The following WNT7B variants were observed in gnomAD, a reference collection of about 807,000 sequenced individuals.
WNT7B encodes the protein Wnt family member 7B, also known as protein Wnt-7b.
Under a neutral mutation model 38.2 loss-of-function variants are expected in WNT7B, and 19 were observed. That is an observed-to-expected ratio of 0.50 (90% CI 0.35 to 0.73). The LOEUF is 0.73. WNT7B is among the 30% of genes least tolerant of loss of function. The probability of loss-of-function intolerance (pLI) is 0.01; values close to 1 mark genes in which losing one functional copy is unlikely to be tolerated. For synonymous variants in WNT7B, 243 were observed against 209.3 expected (o/e 1.16, Z -1.39); for missense variants, 423 against 507.9 (o/e 0.83, Z 1.61).
chr22:45,927,693 C>G (rs1931133999), intron 3 of WNT7B: 10 of 692,050 alleles, frequency 1.4e-5, no homozygotes, highest in Non-Finnish European at 2.7e-5. Context: ...GTTAGGGGTT[C>G]AAGACCAGCC....
At chr22:45,941,926 G>A (rs1434920627) in intron 2 of WNT7B, among the ~76,000 whole-genome samples, 1 of 152,204 alleles carries the variant, frequency 6.6e-6, no homozygotes, top group Non-Finnish European at 1.5e-5. Context: ...GGGGAGGACT[G>A]CTGGGGCTGA....
chr22:45,941,163 C>T (rs9286453), intron 2 of WNT7B, among the ~76,000 whole-genome samples: 3 of 151,976 alleles, frequency 2.0e-5, no homozygotes, highest in African/African-American at 7.3e-5. Flanking sequence ...AGAGTCTCAG[C>T]GTAGAGCTAA....
At chr22:45,971,150 G>T (rs1436950693) in intron 1 of WNT7B, among the ~76,000 whole-genome samples, 1 of 151,862 alleles carries the variant, frequency 6.6e-6, no homozygotes, top group Non-Finnish European at 1.5e-5. Flanking sequence ...GCAACCGCAT[G>T]GGGGGAGGGG....
At position 45,931,107 on chromosome 22, in the gene WNT7B, G is replaced by C. The variant is rs139882321; in HGVS notation, c.561C>G (p.Ala187=). ...CGCACCCGCACCCTACCTTCCTGCCGGCCTCATTGTTATGCAGGTTCATGA... is the reference window on the plus strand; with the variant it reads ...CGCACCCGCACCCTACCTTCCTGCCCGCCTCATTGTTATGCAGGTTCATGA... ...RRLMNLHNNE[A]GRKVLEDRMQ... Residue 187 remains alanine (A), a synonymous_variant, in exon 3 of 4, where the codon GCC becomes GCG. Transcript: ENST00000339464. 1 of 1,576,144 alleles carries C rather than the reference G, an allele frequency of 6.3e-7. No homozygotes were observed. Among genetic ancestry groups the C allele is most frequent in the Non-Finnish European group, 8.6e-7 (1 of 1,161,200 alleles).
At chr22:45,926,475 G>C (rs2146705098) in intron 3 of WNT7B, 1 of 985,416 alleles carries the variant, frequency 1.0e-6, no homozygotes, top group South Asian at 4.7e-5. Context: ...CTGTGCTCTG[G>C]AAACAGTGCT....
chr22:45,975,773 G>A lies in WNT7B; in HGVS notation c.71+911C>T. On this transcript the variant is annotated intron_variant, in intron 1 of 3. Coordinates refer to ENST00000339464, the MANE Select transcript of WNT7B (RefSeq NM_058238.3). This position sits in a 1 kb window ranked among gnomAD's most constrained non-coding sequence, Gnocchi z 6.6. Reference sequence around the variant, plus strand: ...GCGCGGCGGGGCCCGGGTCCCCGCAGGTGCGAGGAGCGCGGGGCCAGCAGC... The same window carrying A: ...GCGCGGCGGGGCCCGGGTCCCCGCAAGTGCGAGGAGCGCGGGGCCAGCAGC... 2 of 350,414 alleles carry A rather than the reference G, an allele frequency of 5.7e-6. No individual in the cohort carries two copies. Among genetic ancestry groups the A allele is most frequent in the Non-Finnish European group, 1.0e-5 (2 of 196,202 alleles). The allele number at this position is 350,414 out of a possible 1,614,324, so 21.7% of individuals were successfully genotyped here. A position where few individuals can be genotyped will look rare whatever the true frequency, so the allele number is the denominator to read the frequency against.
chr22:45,963,454 C>T (rs995448344), intron 1 of WNT7B, among the ~76,000 whole-genome samples: 1 of 152,194 alleles, frequency 6.6e-6, no homozygotes, highest in Non-Finnish European at 1.5e-5. Flanking sequence ...ACTCCAGGGG[C>T]CTTGACTGAA....
At chr22:45,926,982 C>A in intron 3 of WNT7B, 1 of 985,386 alleles carries the variant, frequency 1.0e-6, no homozygotes. Context: ...GGGGTTCCCA[C>A]CCCCTGGCTC....
At position 45,922,798 on chromosome 22, in the gene WNT7B, T is replaced by A; in HGVS notation, c.*58A>T. 11 of 1,550,622 alleles carry A rather than the reference T, an allele frequency of 7.1e-6. 1 individual carries two copies. In the South Asian group the frequency reaches 1.4e-4, roughly 19 times the overall value. ...GCACCAAGGCAGGGAAGGTGAGGAG[T>A]GGATGTGCAAAATGCCGCCGGGTTC... On this transcript the variant is annotated 3_prime_UTR_variant, in exon 4 of 4. Transcript: ENST00000339464.
chr22:45,963,303 C>G (rs925493491), intron 1 of WNT7B, among the ~76,000 whole-genome samples: 1 of 152,154 alleles, frequency 6.6e-6, no homozygotes, highest in Non-Finnish European at 1.5e-5. Context: ...AATGCTCCCT[C>G]CAAGAATTCC....
At chr22:45,964,827 C>A (rs1441105223) in intron 1 of WNT7B, among the ~76,000 whole-genome samples, 3 of 152,154 alleles carry the variant, frequency 2.0e-5, no homozygotes, top group Non-Finnish European at 4.4e-5. Context: ...ACCCTGCAAC[C>A]CTAGACCTGG....
chr22:45,970,539 A>AACCCCCC (rs1444896960), intron 1 of WNT7B, among the ~76,000 whole-genome samples: 9 of 74,894 alleles, frequency 1.2e-4, no homozygotes, highest in Non-Finnish European at 2.0e-4. Flanking sequence ...CCCAACCCCC[A>AACCCCCC]ACCCCCCCAC....
chr22:45,923,168 C>T lies in WNT7B; in HGVS notation c.738G>A (p.Leu246=), dbSNP rs371305802. ...TGATGCGCAGGAAGGTGGGCTGCCG[C>T]AGACGGCTGGCCCGCACCACCTCCA... ...VQVEVVRASR[L]RQPTFLRIKQ... The change falls in exon 4 of 4, where the codon CTG becomes CTA. Residue 246 remains leucine (L), a synonymous_variant. Transcript: ENST00000339464. 36 of 1,613,270 alleles carry T rather than the reference C, an allele frequency of 2.2e-5. No homozygotes were observed. The highest frequency in any genetic ancestry group is 3.1e-5 in the Non-Finnish European group (36 of 1,179,998).
intron 1 of WNT7B, among the ~76,000 whole-genome samples, chr22:45,956,314 G>A (rs1932060102): frequency 6.6e-6 from 1 of 152,228 alleles, no homozygotes; most frequent in Non-Finnish European, 1.5e-5. Context: ...ACGGGCCGCT[G>A]GCCTGCAGTG....
At chr22:45,959,648 G>T (rs1269802037) in intron 1 of WNT7B, among the ~76,000 whole-genome samples, 2 of 152,008 alleles carry the variant, frequency 1.3e-5, no homozygotes, top group African/African-American at 4.8e-5. Context: ...TGCCAGTGGG[G>T]GTGCAAATGA....
Position 45,962,115 on chromosome 22 carries a change from AC to A in WNT7B, c.72-11970del, listed in dbSNP as rs915724449. 6.8e-5 allele frequency among the ~76,000 whole-genome samples: 8 copies of A among 118,314 alleles called. No individual in the cohort carries two copies. The Admixed American group carries it at 8.2e-4, about 12-fold the overall frequency. The allele number at this position is 118,314 out of a possible 152,430, so 77.6% of individuals were successfully genotyped here. The stretch of plus-strand genomic sequence containing the variant: ...GGCATTCCTGGCCTGGCAGCCTGGG[AC>A]CCCACCCTGGAGAAGAACCAGACCG... On this transcript the variant is annotated intron_variant, in intron 1 of 3. Transcript: ENST00000339464.
intron 3 of WNT7B, chr22:45,925,886 G>A (rs983928468): frequency 5.2e-5 from 51 of 985,304 alleles, no homozygotes; most frequent in African/African-American, 1.9e-4. Flanking sequence ...TGCAGGCCAC[G>A]TGGTCTAGGC....
chr22:45,926,152 T>C (rs1931077345), intron 3 of WNT7B: 1 of 985,400 alleles, frequency 1.0e-6, no homozygotes, highest in Non-Finnish European at 1.2e-6. Context: ...CTGGATCCCT[T>C]GGGTCAGAGC....
chr22:45,947,455 G>A (rs540573128), intron 2 of WNT7B, among the ~76,000 whole-genome samples: 1 of 152,364 alleles, frequency 6.6e-6, no homozygotes, highest in South Asian at 2.1e-4. Context: ...GAGACAACTG[G>A]CCGGGAGAAA....
Sources: allele counts gnomAD v4.1 joint callset (sites outside exome capture counted in the v4.1 genomes callset), GRCh38; gene constraint gnomAD v4.1.1; non-coding constraint Gnocchi (gnomAD v3.1); transcripts MANE v1.5; gene names NCBI Gene and HGNC (gene_info 2026-07-23, HGNC 2026-07-21).